The following REPS2 variants were observed in gnomAD, a reference collection of about 807,000 sequenced individuals.
The protein encoded by REPS2 is ralBP1-associated Eps domain-containing protein 2.
A neutral mutation model predicts 53.6 loss-of-function variants in REPS2; 23 were observed. The observed-to-expected ratio is 0.43, with a 90% CI of 0.31 to 0.61. The LOEUF is 0.61. Among genes scored for constraint, REPS2 ranks in the 20% least tolerant of loss-of-function variants. The pLI, the probability that REPS2 is intolerant of heterozygous loss-of-function variation, is 0.11. For synonymous variants in REPS2, 238 were observed against 218.6 expected (o/e 1.09, Z -0.78); for missense variants, 446 against 534.9 (o/e 0.83, Z 1.64).
intron 5 of REPS2, among the ~76,000 whole-genome samples, chrX:17,033,277 A>G (rs1200548122): frequency 9.0e-6 from 1 of 110,888 alleles, no homozygotes; most frequent in Admixed American, 9.6e-5. Context: ...TCATGCTTCT[A>G]TGGCTGCCCC....
At chrX:17,034,026 A>G (rs867178467) in intron 5 of REPS2, among the ~76,000 whole-genome samples, 2 of 111,884 alleles carry the variant, frequency 1.8e-5, no homozygotes, top group Non-Finnish European at 1.9e-5. Flanking sequence ...TAAGAACGTG[A>G]AACGTAAGTG....
At chrX:17,070,349 A>G (rs1478018329) in intron 11 of REPS2, among the ~76,000 whole-genome samples, 1 of 112,373 alleles carries the variant, frequency 8.9e-6, no homozygotes, top group Non-Finnish European at 1.9e-5. Context: ...TATAGGGTAG[A>G]TCAATTGGAG....
chrX:17,190,216 A>G, the REPS2 span, among the ~76,000 whole-genome samples: 2 of 112,283 alleles, frequency 1.8e-5, no homozygotes. Flanking sequence ...TACTTACAGA[A>G]GACGTTATTA....
intron 17 of REPS2, among the ~76,000 whole-genome samples, chrX:17,142,407 A>T (rs2063457944): frequency 9.0e-6 from 1 of 111,620 alleles, no homozygotes; most frequent in Non-Finnish European, 1.9e-5. Context: ...AAATTAAGAG[A>T]CAAGCTGCTG....
chrX:17,049,516 A>G (rs1273167926), intron 6 of REPS2, among the ~76,000 whole-genome samples: 3 of 112,325 alleles, frequency 2.7e-5, no homozygotes, highest in Non-Finnish European at 5.6e-5. Context: ...TGGTAAAAAA[A>G]TTAAAAATTT....
intron 13 of REPS2, among the ~76,000 whole-genome samples, chrX:17,094,431 T>C (rs1348030610): frequency 8.9e-6 from 1 of 112,197 alleles, no homozygotes; most frequent in East Asian, 2.8e-4. Flanking sequence ...TACCTTGTCA[T>C]GAGTCTGTTT....
At chrX:17,132,005 A>C (rs2063298923) in intron 14 of REPS2, among the ~76,000 whole-genome samples, 1 of 110,159 alleles carries the variant, frequency 9.1e-6, no homozygotes, top group African/African-American at 3.3e-5. Context: ...AATCATTAAC[A>C]GTATACAACT....
intron 2 of REPS2, among the ~76,000 whole-genome samples, chrX:17,009,160 TTTTG>T (rs147212347): frequency 0.36 from 39,463 of 109,338 alleles, 6,079 homozygotes; most frequent in East Asian, 0.86. Flanking sequence ...CCCACTGGTT[TTTTG>T]TTTGTTTGTT....
At chrX:17,011,166 T>G (rs1181967469) in intron 2 of REPS2, among the ~76,000 whole-genome samples, 2 of 110,245 alleles carry the variant, frequency 1.8e-5, no homozygotes, top group East Asian at 5.7e-4. Flanking sequence ...AAGGGGGCAC[T>G]TACTCTCAGG....
intron 1 of REPS2, among the ~76,000 whole-genome samples, chrX:16,999,978 C>T (rs1326009345): frequency 1.1e-5 from 1 of 87,740 alleles, no homozygotes; most frequent in Non-Finnish European, 2.1e-5. Flanking sequence ...ACCCGGGAGG[C>T]GGAGCTTGCA....
At chrX:17,158,040 C>G (rs1300996473), downstream of REPS2, among the ~76,000 whole-genome samples, 1 of 111,941 alleles carries the variant, frequency 8.9e-6, no homozygotes, top group Non-Finnish European at 1.9e-5. Flanking sequence ...ATGTCAGATT[C>G]CTTGAGAGAG....
chrX:17,027,749 G>T (rs2061664803), intron 4 of REPS2, among the ~76,000 whole-genome samples: 1 of 96,710 alleles, frequency 1.0e-5, no homozygotes, highest in South Asian at 4.9e-4. Flanking sequence ...GGGGATCAAA[G>T]AATTATTTGT....
chrX:17,062,512 C>T lies in REPS2; in HGVS notation c.1189C>T (p.Arg397Cys), dbSNP rs768325785. 2.5e-6 allele frequency: 3 copies of T among 1,199,258 alleles called. No individual in the cohort carries two copies. The highest frequency in any genetic ancestry group is 3.5e-5 in the African/African-American group (2 of 56,981). Residue 397 changes from arginine to cysteine, a missense_variant, in exon 9 of 18, where the codon CGT becomes TGT. Coordinates refer to ENST00000357277, the MANE Select transcript of REPS2 (RefSeq NM_004726.3). ...SESLPANQQP[R>C]DLNRMEKTSV... The stretch of plus-strand genomic sequence containing the variant: ...GTCACTGCCGGCAAATCAACAACCT[C>T]GTGACTTGAATCGGATGGAGGTAAA...
At chrX:16,947,446 T>C (rs2060454592) in intron 1 of REPS2, among the ~76,000 whole-genome samples, 2 of 111,743 alleles carry the variant, frequency 1.8e-5, no homozygotes, top group Admixed American at 1.9e-4. Flanking sequence ...AAGTTTGTCC[T>C]GTTCTGGAAG....
chrX:17,033,935 G>A (rs146047038), intron 5 of REPS2, among the ~76,000 whole-genome samples: 5 of 111,977 alleles, frequency 4.5e-5, no homozygotes, highest in East Asian at 5.6e-4. Flanking sequence ...TGTTCTCTGC[G>A]TGGGAGCCTT....
intron 8 of REPS2, among the ~76,000 whole-genome samples, chrX:17,056,384 A>G (rs1468469590): frequency 8.9e-6 from 1 of 112,077 alleles, no homozygotes; most frequent in Non-Finnish European, 1.9e-5. Flanking sequence ...GAACTCTTAT[A>G]CCTAATTTAA....
At chrX:16,951,500 TACACACACACACACACACACAC>T (rs1157042780) in intron 1 of REPS2, among the ~76,000 whole-genome samples, 5 of 60,110 alleles carry the variant, frequency 8.3e-5, no homozygotes, top group African/African-American at 2.7e-4. Flanking sequence ...AAACCCCATC[TACACACACACACACACACACAC>T]ACACACACAC....
chrX:17,193,369 A>C, the REPS2 span, among the ~76,000 whole-genome samples: 1 of 111,252 alleles, frequency 9.0e-6, no homozygotes, highest in Non-Finnish European at 1.9e-5. Context: ...TGTTGTCCCA[A>C]GGAGGAGAAT....
At chrX:16,998,907 G>A (rs950163266) in intron 1 of REPS2, among the ~76,000 whole-genome samples, 2 of 112,576 alleles carry the variant, frequency 1.8e-5, no homozygotes, top group African/African-American at 6.5e-5. Context: ...GCAAAATCTG[G>A]TGTGGATGTA....
Sources: gnomAD v4.1 joint callset for allele counts (sites outside exome capture counted in the v4.1 genomes callset) on GRCh38, gnomAD v4.1.1 for gene constraint, MANE v1.5 for transcripts, NCBI Gene and HGNC (gene_info 2026-07-23, HGNC 2026-07-21) for gene names.